The following PIK3C2A variants were observed in gnomAD, a reference collection of about 807,000 sequenced individuals.
The protein encoded by PIK3C2A is phosphatidylinositol 4-phosphate 3-kinase C2 domain-containing subunit alpha.
Under a neutral mutation model 204.5 loss-of-function variants are expected in PIK3C2A, and 97 were observed. That is an observed-to-expected ratio of 0.47 (90% CI 0.40 to 0.56). The LOEUF is 0.56. PIK3C2A is among the 20% of genes least tolerant of loss of function. PIK3C2A has a pLI of 0.00. For missense variants in PIK3C2A, 1,735 were observed against 1,969.2 expected, an observed-to-expected ratio of 0.88 and a Z score of 2.25; for synonymous variants, 653 against 664.4, an observed-to-expected ratio of 0.98 and a Z score of 0.26.
At chr11:17,122,166 A>G (rs372936385) in intron 15 of PIK3C2A, 22 bp downstream of exon 15, 1 of 1,537,328 alleles carries the variant, frequency 6.5e-7, no homozygotes, top group Middle Eastern at 2.3e-4. Context: ...ACTTAGCCCA[A>G]AACAGAATAA....
At chr11:17,202,906 T>C (rs1852439020) in intron 1 of PIK3C2A, among the ~76,000 whole-genome samples, 1 of 151,882 alleles carries the variant, frequency 6.6e-6, no homozygotes, top group Admixed American at 6.6e-5. Flanking sequence ...AATGTAACTG[T>C]TATACTGTAA....
At chr11:17,112,739 T>C in intron 20 of PIK3C2A, 73 bp from the exon 21 acceptor site, 2 of 627,454 alleles carry the variant, frequency 3.2e-6, no homozygotes, top group East Asian at 3.0e-5. Context: ...GTCCTACGCA[T>C]TTCCCCTTTC....
intron 19 of PIK3C2A, among the ~76,000 whole-genome samples, chr11:17,117,224 A>C (rs1849223273): frequency 1.3e-5 from 2 of 152,210 alleles, no homozygotes; most frequent in African/African-American, 4.8e-5. Flanking sequence ...GTGGAGGTAA[A>C]GGAATTCAAG....
At chr11:17,149,999 C>G (rs1850375997) in intron 4 of PIK3C2A, among the ~76,000 whole-genome samples, 1 of 152,068 alleles carries the variant, frequency 6.6e-6, no homozygotes, top group African/African-American at 2.4e-5. Context: ...ATGCAATAAA[C>G]TCTGCAAGGA....
At chr11:17,206,243 T>G (rs756777332) in intron 1 of PIK3C2A, among the ~76,000 whole-genome samples, 1 of 152,174 alleles carries the variant, frequency 6.6e-6, no homozygotes, top group Non-Finnish European at 1.5e-5. Flanking sequence ...TACTTTAGAA[T>G]GTATTAATTC....
intron 17 of PIK3C2A, 51 bp downstream of exon 17, chr11:17,119,169 T>C (rs970784941): frequency 3.7e-6 from 4 of 1,069,982 alleles, no homozygotes; most frequent in Admixed American, 3.9e-5. Flanking sequence ...CAAGTTCCCA[T>C]AAAAAACTAG....
At chr11:17,097,025 T>C (rs1282226139) in intron 27 of PIK3C2A, 32 bp downstream of exon 27, 4 of 1,250,950 alleles carry the variant, frequency 3.2e-6, no homozygotes, top group East Asian at 2.3e-5. Flanking sequence ...AATACATGCA[T>C]GATTGTTTAT....
intron 1 of PIK3C2A, among the ~76,000 whole-genome samples, chr11:17,184,727 A>G (rs1851695069): frequency 6.6e-6 from 1 of 152,140 alleles, no homozygotes; most frequent in African/African-American, 2.4e-5. Flanking sequence ...TAAGCCCAGG[A>G]GCTTGAGACC....
At chr11:17,122,903 T>G (rs1040722725) in intron 13 of PIK3C2A, 90 bp from the exon 14 acceptor site, 3 of 615,018 alleles carry the variant, frequency 4.9e-6, no homozygotes, top group Non-Finnish European at 8.6e-6. Flanking sequence ...AAAGTTAGTA[T>G]GAGATCAACT....
At chr11:17,136,446 G>T in intron 9 of PIK3C2A, 36 bp downstream of exon 9, 2 of 1,494,232 alleles carry the variant, frequency 1.3e-6, no homozygotes, top group Non-Finnish European at 1.9e-6. Flanking sequence ...GTACATATTT[G>T]CATGTAATAA....
At chr11:17,150,436 G>C in intron 4 of PIK3C2A, 62 bp downstream of exon 4, 1 of 1,360,374 alleles carries the variant, frequency 7.4e-7, no homozygotes, top group Non-Finnish European at 9.8e-7. Flanking sequence ...TGATAATATT[G>C]ATATTTTAAA....
At chr11:17,153,895 T>A (rs1238917300) in intron 3 of PIK3C2A, among the ~76,000 whole-genome samples, 1 of 152,226 alleles carries the variant, frequency 6.6e-6, no homozygotes, top group Non-Finnish European at 1.5e-5. Flanking sequence ...AATTTCAAAG[T>A]ACATCTCCTC....
chr11:17,140,983 A>G (rs768316096), intron 8 of PIK3C2A, among the ~76,000 whole-genome samples: 14 of 152,188 alleles, frequency 9.2e-5, no homozygotes, highest in Non-Finnish European at 1.6e-4. Flanking sequence ...AGAGGGGAAC[A>G]ACATGCACAG....
At chr11:17,193,186 G>C (rs1852000316) in intron 1 of PIK3C2A, among the ~76,000 whole-genome samples, 1 of 152,208 alleles carries the variant, frequency 6.6e-6, no homozygotes, top group South Asian at 2.1e-4. Flanking sequence ...CTCCAGAACT[G>C]TAAGCCAAAT....
intron 1 of PIK3C2A, among the ~76,000 whole-genome samples, chr11:17,204,077 GAAA>G (rs879651411): frequency 8.5e-6 from 1 of 117,910 alleles, no homozygotes; most frequent in Non-Finnish European, 1.8e-5. Flanking sequence ...CCGTCTCAAA[GAAA>G]AAAAAAAAAA....
chr11:17,137,078 A>C (rs960356857), intron 8 of PIK3C2A, among the ~76,000 whole-genome samples: 7 of 152,342 alleles, frequency 4.6e-5, no homozygotes, highest in African/African-American at 1.7e-4. Flanking sequence ...ACATATTAAG[A>C]AACATTCTTA....
intron 13 of PIK3C2A, among the ~76,000 whole-genome samples, chr11:17,124,997 G>A (rs1382937833): frequency 6.6e-6 from 1 of 152,022 alleles, no homozygotes; most frequent in Non-Finnish European, 1.5e-5. Flanking sequence ...TTTTGCAGTT[G>A]GTATTGTATA....
intron 3 of PIK3C2A, among the ~76,000 whole-genome samples, chr11:17,151,404 T>C (rs530409220): frequency 5.9e-5 from 9 of 152,324 alleles, no homozygotes; most frequent in South Asian, 2.1e-4. Context: ...CTGCTTTTCA[T>C]AGGGCTATGA....
chr11:17,089,651 GTGTGTGTGTGTGTGTC>G lies in PIK3C2A; in HGVS notation c.*71_*86del. On this transcript the variant is annotated 3_prime_UTR_variant, in exon 33 of 33. Transcript: ENST00000691414. ...TAAAAATACTATACAAAATTAACAA[GTGTGTGTGTGTGTGTC>G]TGTGTGTGTGTGCATGTATGCATGC... is the stretch of plus-strand genomic sequence containing the variant. The G allele has an allele frequency of 5.9e-6, 3 of 506,838 alleles. No homozygotes were observed. Among genetic ancestry groups the G allele is most frequent in the South Asian group, 4.2e-5 (1 of 23,770 alleles). The allele number at this position is 506,838 out of a possible 1,614,324, so 31.4% of individuals were successfully genotyped here.
Sources: gnomAD v4.1 joint callset for allele counts (sites outside exome capture counted in the v4.1 genomes callset) on GRCh38, gnomAD v4.1.1 for gene constraint, MANE v1.5 for transcripts, NCBI Gene and HGNC (gene_info 2026-07-23, HGNC 2026-07-21) for gene names.